FSTL1: variants seen among roughly 807,000 people sequenced by gnomAD.
The protein encoded by FSTL1 is follistatin-related protein 1.
FSTL1 carries 24 observed loss-of-function variants against 45.9 expected under a neutral mutation model. That is an observed-to-expected ratio of 0.52 (90% CI 0.38 to 0.74). The LOEUF is 0.74. Among genes scored for constraint, FSTL1 ranks in the 30% least tolerant of loss-of-function variants. The pLI, the probability that FSTL1 is intolerant of heterozygous loss-of-function variation, is 0.00. For synonymous variants in FSTL1, 120 were observed against 137.6 expected (o/e 0.87, Z 0.89); for missense variants, 340 against 381.8 (o/e 0.89, Z 0.91).
chr3:120,410,846 G>C, intron 5 of FSTL1, 106 bp downstream of exon 5: 1 of 893,604 alleles, frequency 1.1e-6, no homozygotes, highest in South Asian at 1.3e-5. Context: ...CAATTCTGAT[G>C]CATAGAAGAT....
chr3:120,418,138 T>C (rs1008304463), intron 2 of FSTL1, among the ~76,000 whole-genome samples: 1 of 152,236 alleles, frequency 6.6e-6, no homozygotes, highest in African/African-American at 2.4e-5. Flanking sequence ...AAAATCCATT[T>C]GAAGAAACAG....
chr3:120,444,779 T>G (rs1937701432), intron 2 of FSTL1, among the ~76,000 whole-genome samples: 1 of 150,138 alleles, frequency 6.7e-6, no homozygotes, highest in Non-Finnish European at 1.5e-5. Flanking sequence ...AGATAATTTC[T>G]AACACATTTG....
intron 1 of FSTL1, 40 bp from the exon 2 acceptor site, chr3:120,450,786 C>A (rs996221242): frequency 3.5e-6 from 5 of 1,438,386 alleles, no homozygotes; most frequent in East Asian, 3.0e-5. Context: ...AGGCGCCGGG[C>A]CCCGCGCTGA....
At chr3:120,439,852 G>A (rs1363979368) in intron 2 of FSTL1, among the ~76,000 whole-genome samples, 3 of 152,168 alleles carry the variant, frequency 2.0e-5, no homozygotes, top group Admixed American at 6.5e-5. Flanking sequence ...TGTGGCTCAC[G>A]ACTGTAATGC....
rs532460945 is a variant in FSTL1, at chr3:120,393,413, C to T, written c.*3539G>A. On this transcript the variant is annotated 3_prime_UTR_variant, in exon 11 of 11. Transcript: ENST00000295633. ...GTTGGAAAGCGTTAGTCATGTGTCC[C>T]CAAGCAAAAGAGGTTTTAACCAGCT... is the stretch of plus-strand genomic sequence containing the variant. 6.6e-6 allele frequency: 1 copy of T among 152,186 alleles called. No homozygotes were observed. The highest frequency in any genetic ancestry group is 6.5e-5 in the Admixed American group (1 of 15,290). 9.4% of individuals were successfully genotyped at this position (152,186 alleles called of 1,614,324 possible). A position where few individuals can be genotyped will look rare whatever the true frequency, so the allele number is the denominator to read the frequency against.
chr3:120,409,881 G>C (rs974255886), intron 5 of FSTL1: 1 of 372,694 alleles, frequency 2.7e-6, no homozygotes, highest in East Asian at 4.2e-5. Context: ...TGAGAATATT[G>C]AAACAGAGAG....
chr3:120,394,453 T>C lies in FSTL1; in HGVS notation c.*2499A>G, dbSNP rs934321059. 6 of 152,112 alleles carry C rather than the reference T, an allele frequency of 3.9e-5. No individual in the cohort carries two copies. The highest frequency in any genetic ancestry group is 7.4e-5 in the Non-Finnish European group (5 of 68,020). 9.4% of individuals were successfully genotyped at this position (152,112 alleles called of 1,614,324 possible). ...AAGTTTGACTACTTAAAAACATAGG[T>C]GTAAAGGAAAGACATTCAGACTGGT... On this transcript the variant is annotated 3_prime_UTR_variant, in exon 11 of 11. Transcript: ENST00000295633.
At chr3:120,429,048 G>A (rs1474500554) in intron 2 of FSTL1, among the ~76,000 whole-genome samples, 1 of 152,226 alleles carries the variant, frequency 6.6e-6, no homozygotes. Flanking sequence ...GAGGAATACA[G>A]TCTTCCAAGG....
intron 7 of FSTL1, 68 bp from the exon 8 acceptor site, chr3:120,403,422 A>G (rs1480355077): frequency 2.5e-5 from 24 of 972,136 alleles, no homozygotes; most frequent in Non-Finnish European, 3.8e-5. Context: ...GGAAGTAAGC[A>G]TCAGGACCAC....
chr3:120,440,264 A>T lies in FSTL1; in HGVS notation c.63+10420T>A, dbSNP rs1360025501. 4.6e-5 allele frequency among the ~76,000 whole-genome samples: 7 copies of T among 152,100 alleles called. No individual in the cohort carries two copies. In the East Asian group the frequency reaches 1.4e-3, roughly 29 times the overall value. Reference sequence around the variant, plus strand: ...ATTCCAAATGGAGGTCATGCCTGCCATGTCTATGTGGCCAGAATGGCCAAG... The same window carrying T: ...ATTCCAAATGGAGGTCATGCCTGCCTTGTCTATGTGGCCAGAATGGCCAAG... On this transcript the variant is annotated intron_variant, in intron 2 of 10. Coordinates refer to ENST00000295633, the MANE Select transcript of FSTL1 (RefSeq NM_007085.5).
At chr3:120,434,685 A>G (rs1937523030) in intron 2 of FSTL1, among the ~76,000 whole-genome samples, 1 of 152,132 alleles carries the variant, frequency 6.6e-6, no homozygotes, top group Non-Finnish European at 1.5e-5. Flanking sequence ...TATGGACTTC[A>G]CTCACTACAC....
At chr3:120,442,814 G>GTT in intron 2 of FSTL1, among the ~76,000 whole-genome samples, 2 of 134,004 alleles carry the variant, frequency 1.5e-5, no homozygotes, top group African/African-American at 5.8e-5. Context: ...AAAAAAAGCA[G>GTT]ACTTGGAGAC....
chr3:120,412,052 T>A (rs1259326), intron 3 of FSTL1, 69 bp from the exon 4 acceptor site: 269 of 950,362 alleles, frequency 2.8e-4, no homozygotes, highest in Non-Finnish European at 4.0e-4. Flanking sequence ...CACACACACA[T>A]ACATGCACAC....
rs1936631294 is a variant in FSTL1 at position 120,393,536 on chromosome 3, G to A, written c.*3416C>T. 1 of 152,206 alleles carries A rather than the reference G, an allele frequency of 6.6e-6. No homozygotes were observed. Among genetic ancestry groups the A allele is most frequent in the African/African-American group, 2.4e-5 (1 of 41,456 alleles). 9.4% of individuals were successfully genotyped at this position (152,206 alleles called of 1,614,324 possible). A position where few individuals can be genotyped will look rare whatever the true frequency, so the allele number is the denominator to read the frequency against. On this transcript the variant is annotated 3_prime_UTR_variant, in exon 11 of 11. Coordinates refer to ENST00000295633, the MANE Select transcript of FSTL1 (RefSeq NM_007085.5). ...AGCCTGTCCCTGGCAATGATTCCAT[G>A]TTCCCTGTACTACCTTCCCATGTTT...
Position 120,416,084 on chromosome 3 carries a change from G to A in FSTL1, c.64-57C>T, listed in dbSNP as rs546356511. The stretch of plus-strand genomic sequence containing the variant: ...GACTGAGATGAACCCATTATGGAAT[G>A]AGCCCATAATGAGATTATCTTTCAG... On this transcript the variant is annotated intron_variant, in intron 2 of 10. Transcript: ENST00000295633. 9 of 1,193,440 alleles carry A rather than the reference G, an allele frequency of 7.5e-6. No individual in the cohort carries two copies. In the South Asian group the frequency reaches 1.1e-4, roughly 14 times the overall value. The allele number at this position is 1,193,440 out of a possible 1,614,324, so 73.9% of individuals were successfully genotyped here. A position where few individuals can be genotyped will look rare whatever the true frequency, so the allele number is the denominator to read the frequency against.
intron 5 of FSTL1, 169 bp downstream of exon 5, chr3:120,410,783 T>C (rs1937035493): frequency 1.4e-6 from 1 of 721,928 alleles, no homozygotes; most frequent in Non-Finnish European, 2.6e-6. Flanking sequence ...CATACACAAA[T>C]GTAGTTTTGC....
chr3:120,436,729 T>C (rs1199051018), intron 2 of FSTL1, among the ~76,000 whole-genome samples: 1 of 152,168 alleles, frequency 6.6e-6, no homozygotes, highest in Non-Finnish European at 1.5e-5. Flanking sequence ...GCTGGGACTC[T>C]AGGGAGAAGC....
chr3:120,409,769 TCC>T (rs1300990633), intron 5 of FSTL1, 107 bp from the exon 6 acceptor site: 17 of 973,156 alleles, frequency 1.7e-5, no homozygotes, highest in Non-Finnish European at 2.5e-5. Context: ...GCATATGTCA[TCC>T]CAGCAACACA....
rs1936641406 is a variant in FSTL1, at chr3:120,394,096, C to T, written c.*2856G>A. 1 of 152,178 alleles carries T rather than the reference C, an allele frequency of 6.6e-6. No individual in the cohort carries two copies. Among genetic ancestry groups the T allele is most frequent in the Non-Finnish European group, 1.5e-5 (1 of 68,034 alleles). 9.4% of individuals were successfully genotyped at this position (152,178 alleles called of 1,614,324 possible). ...TACTCCAGACCCACTATCCATGATC[C>T]TTTCAAAGAAACTTGTTCTACCAGT... On this transcript the variant is annotated 3_prime_UTR_variant, in exon 11 of 11. Transcript: ENST00000295633.
Sources: gnomAD v4.1 joint callset for allele counts (sites outside exome capture counted in the v4.1 genomes callset) on GRCh38, gnomAD v4.1.1 for gene constraint, MANE v1.5 for transcripts, NCBI Gene and HGNC (gene_info 2026-07-23, HGNC 2026-07-21) for gene names.